ENOX1: variants seen among roughly 807,000 people sequenced by gnomAD.
ENOX1 encodes candidate growth-related and time keeping constitutive hydroquinone (NADH) oxidase.
Under a neutral mutation model 82.5 loss-of-function variants are expected in ENOX1, and 42 were observed. The ratio of observed to expected loss-of-function variants is 0.51; its 90% CI spans 0.40 to 0.66. ENOX1 has a LOEUF of 0.66. Among genes scored for constraint, ENOX1 ranks in the 30% least tolerant of loss-of-function variants. The pLI is 0.00. For synonymous variants in ENOX1, 271 were observed against 282.2 expected, an observed-to-expected ratio of 0.96 and a Z score of 0.40; for missense variants, 608 against 811.6, an observed-to-expected ratio of 0.75 and a Z score of 3.05.
At chr13:43,468,477 G>T (rs1212383565) in intron 3 of ENOX1, among the ~76,000 whole-genome samples, 1 of 151,904 alleles carries the variant, frequency 6.6e-6, no homozygotes, top group African/African-American at 2.4e-5. Flanking sequence ...CACCATGGCT[G>T]CCCTATAAAT....
chr13:43,710,450 A>C (rs1594511692), intron 1 of ENOX1, among the ~76,000 whole-genome samples: 1 of 152,180 alleles, frequency 6.6e-6, no homozygotes, highest in East Asian at 1.9e-4. Context: ...AATGAGGGTA[A>C]CTTCCTTAAT....
intron 2 of ENOX1, among the ~76,000 whole-genome samples, chr13:43,566,337 T>C (rs2079919502): frequency 6.6e-6 from 1 of 152,126 alleles, no homozygotes; most frequent in Non-Finnish European, 1.5e-5. Context: ...GTCAATGAAC[T>C]TGGTGACAAA....
intron 12 of ENOX1, among the ~76,000 whole-genome samples, chr13:43,270,259 C>T (rs552590240): frequency 6.6e-6 from 1 of 152,202 alleles, no homozygotes; most frequent in Non-Finnish European, 1.5e-5. Context: ...CTGCGCAGTG[C>T]GAATTCTTTG....
chr13:43,390,031 C>T (rs769312770), intron 5 of ENOX1, among the ~76,000 whole-genome samples: 4 of 152,004 alleles, frequency 2.6e-5, no homozygotes, highest in African/African-American at 4.8e-5. Context: ...GTGCTGAAAA[C>T]GAGGTAAGGA....
At chr13:43,240,449 A>G (rs1442969641) in intron 14 of ENOX1, among the ~76,000 whole-genome samples, 1 of 152,136 alleles carries the variant, frequency 6.6e-6, no homozygotes, top group African/African-American at 2.4e-5. Context: ...ATTTTAGGAC[A>G]TTGGTTTGGA....
intron 2 of ENOX1, among the ~76,000 whole-genome samples, chr13:43,496,670 C>T (rs1007881340): frequency 3.3e-5 from 5 of 152,160 alleles, no homozygotes; most frequent in Admixed American, 1.3e-4. Context: ...GCATGAGTCA[C>T]CACACCCAGC....
At chr13:43,275,920 G>C (rs1489932589) in intron 12 of ENOX1, among the ~76,000 whole-genome samples, 1 of 152,194 alleles carries the variant, frequency 6.6e-6, no homozygotes, top group African/African-American at 2.4e-5. Flanking sequence ...GATCAGTTTA[G>C]GGGTCAGGAG....
intron 3 of ENOX1, among the ~76,000 whole-genome samples, chr13:43,463,962 T>C (rs1283494819): frequency 2.0e-5 from 3 of 152,184 alleles, no homozygotes; most frequent in Admixed American, 6.5e-5. Context: ...GAGAGACGAA[T>C]GACATCTCCT....
At chr13:43,315,967 G>A (rs1327148103) in intron 11 of ENOX1, among the ~76,000 whole-genome samples, 3 of 152,192 alleles carry the variant, frequency 2.0e-5, no homozygotes, top group African/African-American at 4.8e-5. Context: ...CACAGGCGGC[G>A]GTGCAGTGAC....
At chr13:43,354,283 G>A (rs540031256) in intron 8 of ENOX1, among the ~76,000 whole-genome samples, 1 of 152,300 alleles carries the variant, frequency 6.6e-6, no homozygotes, top group East Asian at 1.9e-4. Flanking sequence ...TAAAGGCACA[G>A]CCATGGCCTA....
At chr13:43,714,124 C>T (rs1418987430) in intron 1 of ENOX1, among the ~76,000 whole-genome samples, 5 of 150,412 alleles carry the variant, frequency 3.3e-5, no homozygotes, top group African/African-American at 1.2e-4. Context: ...TCTTTGTTCT[C>T]GTTGGTTTCA....
At chr13:43,352,847 T>A (rs1490715578) in intron 8 of ENOX1, among the ~76,000 whole-genome samples, 1 of 152,142 alleles carries the variant, frequency 6.6e-6, no homozygotes, top group East Asian at 1.9e-4. Context: ...GCACTGCCCA[T>A]CCGGGCTGGC....
At chr13:43,493,149 T>C (rs74954260) in intron 2 of ENOX1, among the ~76,000 whole-genome samples, 4 of 151,808 alleles carry the variant, frequency 2.6e-5, no homozygotes, top group African/African-American at 4.8e-5. Context: ...TCTCTCTCTC[T>C]CCCCCCTCCC....
intron 8 of ENOX1, among the ~76,000 whole-genome samples, chr13:43,350,662 C>A (rs1443864471): frequency 1.3e-5 from 2 of 152,132 alleles, no homozygotes; most frequent in Admixed American, 6.5e-5. Context: ...TCAGGCTGGT[C>A]TCGAACTCCT....
chr13:43,316,196 A>C (rs1276005683), intron 11 of ENOX1, among the ~76,000 whole-genome samples: 1 of 152,182 alleles, frequency 6.6e-6, no homozygotes, highest in Admixed American at 6.5e-5. Flanking sequence ...TCATGCAGGA[A>C]ACTTTGTGGA....
intron 3 of ENOX1, among the ~76,000 whole-genome samples, chr13:43,452,540 T>C (rs1165529463): frequency 6.6e-6 from 1 of 152,236 alleles, no homozygotes; most frequent in Non-Finnish European, 1.5e-5. Flanking sequence ...CTATTTATTT[T>C]GAGACGGAGT....
At chr13:43,783,133 G>A (rs1298926472) in intron 1 of ENOX1, among the ~76,000 whole-genome samples, 1 of 152,114 alleles carries the variant, frequency 6.6e-6, no homozygotes, top group Non-Finnish European at 1.5e-5. Context: ...AATTCACACA[G>A]AATAAGAGAT....
chr13:43,438,405 T>C (rs2056159426), intron 3 of ENOX1, among the ~76,000 whole-genome samples: 1 of 152,042 alleles, frequency 6.6e-6, no homozygotes, highest in East Asian at 1.9e-4. Flanking sequence ...GCAATTGGAA[T>C]GTGGAAGTGA....
At chr13:43,261,991 A>AT (rs1351511295) in intron 14 of ENOX1, among the ~76,000 whole-genome samples, 1 of 150,022 alleles carries the variant, frequency 6.7e-6, no homozygotes, top group African/African-American at 2.5e-5. Flanking sequence ...AAGTATAATA[A>AT]AAAAAAAATC....
Sources: gnomAD v4.1 joint callset for allele counts (sites outside exome capture counted in the v4.1 genomes callset) on GRCh38, gnomAD v4.1.1 for gene constraint, MANE v1.5 for transcripts, NCBI Gene and HGNC (gene_info 2026-07-23, HGNC 2026-07-21) for gene names.